The following CCDC88C variants were observed in gnomAD, a reference collection of about 807,000 sequenced individuals.
CCDC88C encodes the protein protein Daple.
CCDC88C carries 131 observed loss-of-function variants against 198.8 expected under a neutral mutation model. The observed-to-expected ratio is 0.66, with a 90% CI of 0.57 to 0.76. The LOEUF is 0.76. Ranked by LOEUF, CCDC88C falls within the 30% of genes least tolerant of loss-of-function variation. The pLI is 0.00. For missense variants in CCDC88C, 2,553 were observed against 2,631.6 expected, an observed-to-expected ratio of 0.97 and a Z score of 0.65; for synonymous variants, 1,166 against 1,114.7, an observed-to-expected ratio of 1.05 and a Z score of -0.92.
Position 91,289,321 on chromosome 14 carries a change from T to C in CCDC88C, c.4225A>G (p.Lys1409Glu). 6.2e-7 allele frequency: 1 copy of C among 1,614,062 alleles called. No homozygotes were observed. Among genetic ancestry groups the C allele is most frequent in the Non-Finnish European group, 8.5e-7 (1 of 1,179,904 alleles). Residue 1409 changes from lysine to glutamate, a missense_variant, in exon 25 of 30, where the codon AAA becomes GAA. Coordinates refer to ENST00000389857, the MANE Select transcript of CCDC88C (RefSeq NM_001080414.4). ...GGTTTGATGAGTTTGACTAAGGCTTTGGCTCCAATCCAGTGGTTCTTCCTG... is the reference window on the plus strand; with the variant it reads ...GGTTTGATGAGTTTGACTAAGGCTTCGGCTCCAATCCAGTGGTTCTTCCTG... ...PKKKNHWIGA[K>E]ALVKLIKPKK...
At chr14:91,300,911 C>A (rs972466972) in intron 20 of CCDC88C, among the ~76,000 whole-genome samples, 1 of 152,168 alleles carries the variant, frequency 6.6e-6, no homozygotes, top group Non-Finnish European at 1.5e-5. Flanking sequence ...CTGATCTTTC[C>A]CATTCAGGCA....
chr14:91,379,813 T>C, intron 3 of CCDC88C: 1 of 703,024 alleles, frequency 1.4e-6, no homozygotes, highest in Non-Finnish European at 2.6e-6. Context: ...ACTGGGTTTG[T>C]TTGAAGCCAA....
chr14:91,369,318 C>T (rs1256137989), intron 3 of CCDC88C, among the ~76,000 whole-genome samples: 3 of 152,234 alleles, frequency 2.0e-5, no homozygotes, highest in Non-Finnish European at 4.4e-5. Context: ...GCAATTCTCC[C>T]GCCTCAGCTT....
At chr14:91,374,034 A>G (rs1894959676) in intron 3 of CCDC88C, among the ~76,000 whole-genome samples, 1 of 152,202 alleles carries the variant, frequency 6.6e-6, no homozygotes, top group Non-Finnish European at 1.5e-5. Context: ...CAGATGCTGG[A>G]ACATGCTCAC....
At chr14:91,417,529 AGCCACCCGGG>A in intron 1 of CCDC88C, 92 bp downstream of exon 1, 4 of 1,062,660 alleles carry the variant, frequency 3.8e-6, no homozygotes, top group Non-Finnish European at 5.4e-6. Context: ...CGCGCCCCGG[AGCCACCCGGG>A]GCCCCGGCCG....
At chr14:91,317,356 C>T (rs553283991) in intron 13 of CCDC88C, among the ~76,000 whole-genome samples, 2 of 152,304 alleles carry the variant, frequency 1.3e-5, no homozygotes, top group South Asian at 2.1e-4. Flanking sequence ...GCAGGGCCAA[C>T]GGGCTTGCTT....
intron 20 of CCDC88C, 101 bp downstream of exon 20, chr14:91,303,600 A>G: frequency 1.6e-6 from 2 of 1,226,010 alleles, no homozygotes; most frequent in South Asian, 3.2e-5. Context: ...CCTCTCCCCT[A>G]GGTCCCACCC....
chr14:91,328,248 T>C (rs943093558), intron 10 of CCDC88C, among the ~76,000 whole-genome samples: 4 of 152,134 alleles, frequency 2.6e-5, no homozygotes, highest in African/African-American at 9.7e-5. Flanking sequence ...CATGCTGTGG[T>C]TTTCTGGCCA....
chr14:91,311,126 G>T (rs1891803496), intron 15 of CCDC88C, among the ~76,000 whole-genome samples: 1 of 152,198 alleles, frequency 6.6e-6, no homozygotes, highest in African/African-American at 2.4e-5. Context: ...AGCCTGGACT[G>T]CTGGGTCAAG....
chr14:91,373,357 G>A (rs1237937256), intron 3 of CCDC88C, among the ~76,000 whole-genome samples: 1 of 152,168 alleles, frequency 6.6e-6, no homozygotes, highest in Non-Finnish European at 1.5e-5. Flanking sequence ...GTTCATCAGT[G>A]ACATCTGCCT....
At chr14:91,326,120 T>TCCATC in intron 10 of CCDC88C, 64 bp from the exon 11 acceptor site, 1 of 1,474,254 alleles carries the variant, frequency 6.8e-7, no homozygotes, top group Non-Finnish European at 9.3e-7. Context: ...AGGATGGAAT[T>TCCATC]CTAAAACCAA....
chr14:91,364,322 C>T (rs1441805401), intron 3 of CCDC88C, among the ~76,000 whole-genome samples: 5 of 152,156 alleles, frequency 3.3e-5, no homozygotes, highest in Admixed American at 6.5e-5. Flanking sequence ...GGTTTGCTTT[C>T]GGATCCTAAA....
Position 91,340,142 on chromosome 14 carries a change from C to T in CCDC88C, c.484-118G>A, listed in dbSNP as rs562935961. 1.3e-5 allele frequency: 18 copies of T among 1,395,020 alleles called. No individual in the cohort carries two copies. The East Asian group carries it at 1.8e-4, about 14-fold the overall frequency. 86.4% of individuals were successfully genotyped at this position (1,395,020 alleles called of 1,614,324 possible). A position where few individuals can be genotyped will look rare whatever the true frequency, so the allele number is the denominator to read the frequency against. ...TACTAATCCCTCAGTGACAAATTTACGGTGGCCAGCAAAAGGGTGCCCTAC... is the reference window on the plus strand; with the variant it reads ...TACTAATCCCTCAGTGACAAATTTATGGTGGCCAGCAAAAGGGTGCCCTAC... On this transcript the variant is annotated intron_variant, in intron 6 of 29. Coordinates refer to ENST00000389857, the MANE Select transcript of CCDC88C (RefSeq NM_001080414.4).
intron 3 of CCDC88C, among the ~76,000 whole-genome samples, chr14:91,372,046 C>T (rs781635240): frequency 6.6e-6 from 1 of 152,124 alleles, no homozygotes; most frequent in African/African-American, 2.4e-5. Flanking sequence ...CAAGGGGTAC[C>T]AGCACTCCCG....
chr14:91,401,475 C>T (rs921716736), intron 3 of CCDC88C, among the ~76,000 whole-genome samples: 1 of 151,286 alleles, frequency 6.6e-6, no homozygotes, highest in East Asian at 1.9e-4. Flanking sequence ...GCTGGGACTA[C>T]AGTCGCCCAC....
chr14:91,417,737 G>A lies in CCDC88C; in HGVS notation c.-47C>T. 3 of 1,436,660 alleles carry A rather than the reference G, an allele frequency of 2.1e-6. No homozygotes were observed. Among genetic ancestry groups the A allele is most frequent in the Non-Finnish European group, 2.8e-6 (3 of 1,082,916 alleles). 89.0% of individuals were successfully genotyped at this position (1,436,660 alleles called of 1,614,324 possible). A position where few individuals can be genotyped will look rare whatever the true frequency, so the allele number is the denominator to read the frequency against. On this transcript the variant is annotated 5_prime_UTR_variant, in exon 1 of 30. It adds an upstream start codon to the 5' untranslated region. Transcript: ENST00000389857. ...TCCGCGCCCCCCGCCCCGCGTCCCCGTTCCCCCGCGCCGCGGCACAAAACG... is the reference window on the plus strand; with the variant it reads ...TCCGCGCCCCCCGCCCCGCGTCCCCATTCCCCCGCGCCGCGGCACAAAACG...
intron 17 of CCDC88C, 36 bp from the exon 18 acceptor site, chr14:91,307,262 G>A (rs372189457): frequency 8.1e-5 from 130 of 1,599,816 alleles, no homozygotes; most frequent in South Asian, 2.2e-4. Context: ...GGCTTTAGGC[G>A]GAAGCAGCCT....
intron 23 of CCDC88C, 80 bp downstream of exon 23, chr14:91,294,093 G>T: frequency 6.4e-7 from 1 of 1,551,916 alleles, no homozygotes. Context: ...CTCTCTGCAT[G>T]GGAAGCCAGG....
intron 26 of CCDC88C, among the ~76,000 whole-genome samples, chr14:91,282,327 C>T (rs1190242251): frequency 6.6e-6 from 1 of 152,194 alleles, no homozygotes; most frequent in Non-Finnish European, 1.5e-5. Context: ...CTTGCTCTCT[C>T]AGACTTCCAA....
Sources: gnomAD v4.1 joint callset for allele counts (sites outside exome capture counted in the v4.1 genomes callset) on GRCh38, gnomAD v4.1.1 for gene constraint, MANE v1.5 for transcripts, NCBI Gene and HGNC (gene_info 2026-07-23, HGNC 2026-07-21) for gene names.